Variants in CSMD2 observed in about 807,000 individuals in gnomAD.
CSMD2 encodes CUB and Sushi multiple domains 2.
CSMD2 carries 130 observed loss-of-function variants against 398.5 expected under a neutral mutation model. That is an observed-to-expected ratio of 0.33 (90% CI 0.28 to 0.38). The LOEUF (loss-of-function observed/expected upper bound fraction) is 0.38. CSMD2 is among the 10% of genes least tolerant of loss of function. The probability of loss-of-function intolerance (pLI) is 1.00; values close to 1 mark genes in which losing one functional copy is unlikely to be tolerated. For synonymous variants in CSMD2, 1,828 were observed against 1,908.5 expected, an observed-to-expected ratio of 0.96 and a Z score of 1.10; for missense variants, 3,829 against 4,764.9, an observed-to-expected ratio of 0.80 and a Z score of 5.78.
At chr1:33,600,006 A>G in intron 44 of CSMD2, 1 of 619,646 alleles carries the variant, frequency 1.6e-6, no homozygotes, top group Non-Finnish European at 2.9e-6. Context: ...TTGGGCAAGT[A>G]CTTGAGCCTT....
At chr1:34,052,458 G>C (rs1006564340) in intron 2 of CSMD2, among the ~76,000 whole-genome samples, 24 of 61,720 alleles carry the variant, frequency 3.9e-4, no homozygotes, top group African/African-American at 1.7e-3. Flanking sequence ...TTATATCCAT[G>C]GGGGGGGGGT....
chr1:33,605,835 T>TAA (rs1486312844), intron 41 of CSMD2: 1 of 1,591,776 alleles, frequency 6.3e-7, no homozygotes, highest in Non-Finnish European at 8.6e-7. Context: ...CCAGCCTAAC[T>TAA]CCTTTCATGT....
At chr1:33,549,024 T>A (rs1003744519) in intron 56 of CSMD2, among the ~76,000 whole-genome samples, 23 of 152,220 alleles carry the variant, frequency 1.5e-4, no homozygotes, top group Non-Finnish European at 2.4e-4. Flanking sequence ...TATAGAGTGA[T>A]GTGTCTGGGA....
Position 33,605,394 on chromosome 1 carries a change from T to A in CSMD2, c.6420A>T (p.Gly2140=). Residue 2140 remains glycine (G), a synonymous_variant, in exon 42 of 71, where the codon GGA becomes GGT. Transcript: ENST00000373381. ...GGAGGCACTCGAAGGTCACTGATTG[T>A]CCCACGTTGTAGCCAGCTCCCCTCA... ...GIVRGAGYNV[G]QSVTFECLPG... 3.1e-6 allele frequency: 5 copies of A among 1,614,174 alleles called. No individual in the cohort carries two copies. Among genetic ancestry groups the A allele is most frequent in the Non-Finnish European group, 3.4e-6 (4 of 1,180,030 alleles).
At chr1:33,699,006 T>C in intron 23 of CSMD2, 62 bp from the exon 24 acceptor site, 1 of 1,435,856 alleles carries the variant, frequency 7.0e-7, no homozygotes, top group Non-Finnish European at 9.5e-7. Context: ...ATGCTTCCTC[T>C]CTTCCCTCAA....
At chr1:33,784,482 C>A (rs185180599) in intron 12 of CSMD2, among the ~76,000 whole-genome samples, 1 of 152,224 alleles carries the variant, frequency 6.6e-6, no homozygotes, top group Admixed American at 6.5e-5. Context: ...CCCAACTTAG[C>A]CCCTTGAATT....
chr1:33,939,437 C>T (rs1283543681), intron 3 of CSMD2, among the ~76,000 whole-genome samples: 1 of 152,076 alleles, frequency 6.6e-6, no homozygotes, highest in African/African-American at 2.4e-5. Flanking sequence ...GAGAAAAAAG[C>T]AAGCTAAGGT....
At chr1:33,851,890 T>C (rs1222854790) in intron 5 of CSMD2, among the ~76,000 whole-genome samples, 1 of 152,102 alleles carries the variant, frequency 6.6e-6, no homozygotes, top group East Asian at 1.9e-4. Context: ...CTGGGCCTTA[T>C]CTTTGAAAAG....
chr1:33,771,302 C>T (rs568101199), intron 13 of CSMD2, among the ~76,000 whole-genome samples: 87 of 152,294 alleles, frequency 5.7e-4, no homozygotes, highest in Admixed American at 1.2e-3. Context: ...GTTTGCCTGC[C>T]CCGAGCTGCT....
chr1:33,526,981 T>C (rs1425014219), intron 65 of CSMD2, among the ~76,000 whole-genome samples: 1 of 152,232 alleles, frequency 6.6e-6, no homozygotes, highest in African/African-American at 2.4e-5. Flanking sequence ...TGCTGGCTCT[T>C]TCTTCCAGAT....
intron 64 of CSMD2, among the ~76,000 whole-genome samples, chr1:33,529,755 AT>A (rs1294114294): frequency 2.6e-5 from 4 of 152,358 alleles, no homozygotes; most frequent in African/African-American, 9.6e-5. Flanking sequence ...ACAAAAGCAT[AT>A]GCAACCCCCA....
intron 6 of CSMD2, chr1:33,840,191 C>G (rs1018799211): frequency 6.6e-6 from 1 of 152,202 alleles, no homozygotes; most frequent in Non-Finnish European, 1.5e-5. Context: ...GGGTTATTCA[C>G]TAACTTCGGT....
chr1:33,736,123 T>TCCCTTACTTCTAGTGCCTACTGC (rs1646877616), intron 15 of CSMD2, among the ~76,000 whole-genome samples: 2 of 152,166 alleles, frequency 1.3e-5, no homozygotes, highest in African/African-American at 4.8e-5. Flanking sequence ...CAATAGACTG[T>TCCCTTACTTCTAGTGCCTACTGC]CCCTTACTTC....
At chr1:33,740,309 G>A (rs1256331125) in intron 14 of CSMD2, among the ~76,000 whole-genome samples, 1 of 97,430 alleles carries the variant, frequency 1.0e-5, no homozygotes, top group Non-Finnish European at 1.9e-5. Flanking sequence ...TTTTCACCCC[G>A]AAGCCAGGCT....
intron 5 of CSMD2, chr1:33,864,448 G>A: frequency 6.2e-7 from 1 of 1,613,782 alleles, no homozygotes; most frequent in Non-Finnish European, 8.5e-7. Flanking sequence ...AAGAAACGGA[G>A]AAAGCGGGAT....
At chr1:33,749,945 A>G (rs947712252) in intron 13 of CSMD2, among the ~76,000 whole-genome samples, 1 of 152,214 alleles carries the variant, frequency 6.6e-6, no homozygotes, top group African/African-American at 2.4e-5. Context: ...AATGATATGT[A>G]TGATACACAC....
chr1:33,707,709 A>G (rs865948174), intron 22 of CSMD2, among the ~76,000 whole-genome samples: 53 of 130,696 alleles, frequency 4.1e-4, no homozygotes, highest in African/African-American at 1.3e-3. Flanking sequence ...ACACACACAC[A>G]CACACACACA....
intron 1 of CSMD2, among the ~76,000 whole-genome samples, chr1:34,111,679 A>G (rs1661090172): frequency 6.6e-6 from 1 of 152,218 alleles, no homozygotes; most frequent in Non-Finnish European, 1.5e-5. Context: ...CACACATACA[A>G]TAACATCTGG....
Position 33,515,880 on chromosome 1 carries a change from C to T in CSMD2, c.*744G>A, listed in dbSNP as rs1364574984. The T allele has an allele frequency of 6.6e-6, 1 of 152,224 alleles. No homozygotes were observed. The highest frequency in any genetic ancestry group is 2.4e-5 in the African/African-American group (1 of 41,430). 9.4% of individuals were successfully genotyped at this position (152,224 alleles called of 1,614,324 possible). Reference sequence around the variant, plus strand: ...CCTTCTTTCCCAGTGCTTCCCAGGACCCAAATGACTTTTTAATCCACTGGG... The same window carrying T: ...CCTTCTTTCCCAGTGCTTCCCAGGATCCAAATGACTTTTTAATCCACTGGG... On this transcript the variant is annotated 3_prime_UTR_variant, in exon 71 of 71. Coordinates refer to ENST00000373381, the MANE Select transcript of CSMD2 (RefSeq NM_001281956.2).
Sources: gnomAD v4.1 joint callset for allele counts (sites outside exome capture counted in the v4.1 genomes callset) on GRCh38, gnomAD v4.1.1 for gene constraint, MANE v1.5 for transcripts, NCBI Gene and HGNC (gene_info 2026-07-23, HGNC 2026-07-21) for gene names.